PRKCA: variants seen among roughly 807,000 people sequenced by gnomAD.
PRKCA encodes protein kinase C alpha, also known as protein kinase C alpha type.
PRKCA carries 27 observed loss-of-function variants against 87.0 expected under a neutral mutation model. That is an observed-to-expected ratio of 0.31 (90% CI 0.23 to 0.43). The LOEUF (loss-of-function observed/expected upper bound fraction) is 0.43, where lower values mean the gene tolerates loss of function less well. Ranked by LOEUF, PRKCA falls within the 20% of genes least tolerant of loss-of-function variation. PRKCA has a pLI of 1.00. For synonymous variants in PRKCA, 329 were observed against 311.1 expected (o/e 1.06, Z -0.61); for missense variants, 518 against 852.3 (o/e 0.61, Z 4.88).
chr17:66,444,696 T>G (rs1158302260), intron 2 of PRKCA, among the ~76,000 whole-genome samples: 1 of 152,174 alleles, frequency 6.6e-6, no homozygotes, highest in Non-Finnish European at 1.5e-5. Flanking sequence ...GGCAATGAAT[T>G]TCGGGGAGAA....
At chr17:66,765,452 A>ATATC (rs1974788875) in intron 13 of PRKCA, among the ~76,000 whole-genome samples, 1 of 125,036 alleles carries the variant, frequency 8.0e-6, no homozygotes, top group Non-Finnish European at 1.7e-5. Flanking sequence ...ATATATATAT[A>ATATC]TATCCATATA....
intron 3 of PRKCA, among the ~76,000 whole-genome samples, chr17:66,562,766 T>G (rs1968757252): frequency 6.6e-6 from 1 of 152,022 alleles, no homozygotes; most frequent in Admixed American, 6.6e-5. Flanking sequence ...CCAGCTAATT[T>G]TTGTATTTTT....
intron 2 of PRKCA, among the ~76,000 whole-genome samples, chr17:66,445,085 A>G (rs781136982): frequency 2.0e-5 from 3 of 152,158 alleles, no homozygotes; most frequent in Non-Finnish European, 4.4e-5. Flanking sequence ...TTTGGATGTC[A>G]TGTCCTTGAC....
intron 2 of PRKCA, among the ~76,000 whole-genome samples, chr17:66,320,922 G>A (rs1484664601): frequency 6.6e-6 from 1 of 152,154 alleles, no homozygotes; most frequent in East Asian, 1.9e-4. Flanking sequence ...TTATTTGGTA[G>A]TTTTGCATTC....
intron 2 of PRKCA, among the ~76,000 whole-genome samples, chr17:66,427,639 G>A (rs1449260737): frequency 6.6e-6 from 1 of 152,196 alleles, no homozygotes; most frequent in African/African-American, 2.4e-5. Context: ...GTGCTGTCAG[G>A]ACTGAAGATG....
chr17:66,388,623 T>C (rs1910195964), intron 2 of PRKCA, among the ~76,000 whole-genome samples: 1 of 152,178 alleles, frequency 6.6e-6, no homozygotes, highest in Admixed American at 6.5e-5. Flanking sequence ...GCCATAGTTC[T>C]CTTGGAGAAT....
intron 2 of PRKCA, among the ~76,000 whole-genome samples, chr17:66,456,109 C>T (rs1914566449): frequency 6.6e-6 from 1 of 151,722 alleles, no homozygotes; most frequent in African/African-American, 2.4e-5. Flanking sequence ...CGAGGAATGC[C>T]AAGATTTGCC....
At chr17:66,733,386 G>A (rs1204242074) in intron 9 of PRKCA, among the ~76,000 whole-genome samples, 1 of 152,160 alleles carries the variant, frequency 6.6e-6, no homozygotes. Flanking sequence ...CAACAGGTTT[G>A]GGGGGAAAGC....
chr17:66,440,313 A>G (rs906713980), intron 2 of PRKCA, among the ~76,000 whole-genome samples: 1 of 152,236 alleles, frequency 6.6e-6, no homozygotes, highest in Non-Finnish European at 1.5e-5. Context: ...GATCCTTTGT[A>G]CCTGAAGAGT....
intron 14 of PRKCA, among the ~76,000 whole-genome samples, chr17:66,784,261 T>G (rs985707025): frequency 1.3e-5 from 2 of 152,036 alleles, no homozygotes; most frequent in Admixed American, 6.6e-5. Context: ...TGTTTTTGTT[T>G]TGGAAACAGA....
chr17:66,800,703 G>A (rs946631006), intron 16 of PRKCA, among the ~76,000 whole-genome samples: 2 of 152,242 alleles, frequency 1.3e-5, no homozygotes, highest in South Asian at 4.1e-4. Flanking sequence ...GGTCAGACCT[G>A]TGCACTCTTT....
At chr17:66,754,986 G>A (rs541363381) in intron 13 of PRKCA, among the ~76,000 whole-genome samples, 1 of 152,224 alleles carries the variant, frequency 6.6e-6, no homozygotes, top group African/African-American at 2.4e-5. Flanking sequence ...CGGATTTGGC[G>A]GCGGGGGATG....
In PRKCA at chr17:66,735,522, C is replaced by G; in HGVS notation, c.1090C>G (p.Leu364Val). The stretch of plus-strand genomic sequence containing the variant: ...TGCCGACAGGAAGGGCACAGAAGAA[C>G]TGTATGCAATCAAAATCCTGAAGAA... ...MLADRKGTEE[L>V]YAIKILKKDV... Residue 364 changes from leucine (L) to valine (V), a missense_variant, in exon 10 of 17, where the codon CTG becomes GTG. Physicochemically the swap from Leu to Val is conservative, Grantham distance 32. Around this residue, in one of 5 missense-constraint regions of PRKCA, gnomAD observed 300 missense variants for 496.8 expected, o/e 0.60. Coordinates refer to ENST00000413366, the MANE Select transcript of PRKCA (RefSeq NM_002737.3). 1 of 1,614,084 alleles carries G rather than the reference C, an allele frequency of 6.2e-7. No homozygotes were observed.
chr17:66,557,413 A>C (rs902699239), intron 3 of PRKCA, among the ~76,000 whole-genome samples: 4 of 151,802 alleles, frequency 2.6e-5, no homozygotes, highest in Non-Finnish European at 4.4e-5. Flanking sequence ...ATGATCCCAC[A>C]GTTGCTCTTT....
intron 13 of PRKCA, among the ~76,000 whole-genome samples, chr17:66,759,702 A>G (rs1286170071): frequency 1.3e-5 from 2 of 152,264 alleles, no homozygotes; most frequent in East Asian, 3.8e-4. Context: ...ATCCACTTTA[A>G]GTATAAAGAC....
intron 5 of PRKCA, among the ~76,000 whole-genome samples, chr17:66,671,209 C>CAAAAAAAAAAAAA (rs778507190): frequency 8.3e-5 from 4 of 48,454 alleles, no homozygotes; most frequent in African/African-American, 2.7e-4. Context: ...AGACTCATCT[C>CAAAAAAAAAAAAA]AAAAAAAAAA....
At chr17:66,614,228 T>G (rs1027280748) in intron 3 of PRKCA, among the ~76,000 whole-genome samples, 6 of 152,114 alleles carry the variant, frequency 3.9e-5, no homozygotes. Context: ...GGCCACTCCA[T>G]TTTTGAGGTA....
chr17:66,616,318 A>G (rs549053169), intron 3 of PRKCA, among the ~76,000 whole-genome samples: 66 of 152,176 alleles, frequency 4.3e-4, no homozygotes, highest in Non-Finnish European at 9.1e-4. Context: ...AACATTGTCC[A>G]TTCAACCCTA....
intron 8 of PRKCA, among the ~76,000 whole-genome samples, chr17:66,712,591 G>C (rs1380329606): frequency 1.3e-5 from 2 of 152,054 alleles, no homozygotes; most frequent in East Asian, 3.9e-4. Flanking sequence ...TCTAATGAAG[G>C]GCTGTCCCTG....
Sources: gnomAD v4.1 joint callset for allele counts (sites outside exome capture counted in the v4.1 genomes callset) on GRCh38, gnomAD v4.1.1 for gene constraint, gnomAD v4.1.1 regional missense constraint, MANE v1.5 for transcripts, NCBI Gene and HGNC (gene_info 2026-07-23, HGNC 2026-07-21) for gene names.